The following ROBO2 variants were observed in gnomAD, a reference collection of about 807,000 sequenced individuals.
ROBO2 encodes the protein roundabout homolog 2.
Under a neutral mutation model 160.8 loss-of-function variants are expected in ROBO2, and 53 were observed. That is an observed-to-expected ratio of 0.33 (90% CI 0.26 to 0.41). The LOEUF (loss-of-function observed/expected upper bound fraction) is 0.41, where lower values mean the gene tolerates loss of function less well. Ranked by LOEUF, ROBO2 falls within the 10% of genes least tolerant of loss-of-function variation. ROBO2 has a pLI of 1.00. For synonymous variants in ROBO2, 664 were observed against 611.7 expected (o/e 1.09, Z -1.26); for missense variants, 1,577 against 1,722.4 (o/e 0.92, Z 1.49).
chr3:77,390,345 C>T (rs2074591569), intron 2 of ROBO2, among the ~76,000 whole-genome samples: 1 of 152,176 alleles, frequency 6.6e-6, no homozygotes, highest in Non-Finnish European at 1.5e-5. Flanking sequence ...GTGTCCCCAA[C>T]CAAATCTCAT....
intron 2 of ROBO2, among the ~76,000 whole-genome samples, chr3:76,105,149 A>G (rs568694335): frequency 6.6e-6 from 1 of 152,146 alleles, no homozygotes; most frequent in East Asian, 1.9e-4. Flanking sequence ...TCATGGTACC[A>G]AACAATGAAA....
At chr3:75,981,318 A>G (rs566451387) in intron 2 of ROBO2, among the ~76,000 whole-genome samples, 1 of 151,618 alleles carries the variant, frequency 6.6e-6, no homozygotes, top group East Asian at 1.9e-4. Flanking sequence ...ATTTGTACAA[A>G]GGACTTATCT....
In ROBO2 at chr3:76,608,335, G is replaced by A. The variant is rs549766392; in HGVS notation, c.110-489679G>A. Among the ~76,000 whole-genome samples, 7 of 152,268 alleles carry A rather than the reference G, an allele frequency of 4.6e-5. No homozygotes were observed. The East Asian group carries it at 1.4e-3, about 29-fold the overall frequency. On this transcript the variant is annotated intron_variant, in intron 2 of 26. Transcript: ENST00000487694. The stretch of plus-strand genomic sequence containing the variant: ...GGGGAGAGAAGAAAGGGACTGTGGA[G>A]GAATGAGTCTTGGCAAAGACCTTCA...
At chr3:77,343,084 G>GAGAGAGAGA (rs35897096) in intron 2 of ROBO2, among the ~76,000 whole-genome samples, 1 of 146,194 alleles carries the variant, frequency 6.8e-6, no homozygotes, top group Non-Finnish European at 1.5e-5. Context: ...GAGAGAGAGA[G>GAGAGAGAGA]AGAACTTTCT....
At chr3:76,781,639 G>A (rs1336815294) in intron 2 of ROBO2, among the ~76,000 whole-genome samples, 1 of 150,494 alleles carries the variant, frequency 6.6e-6, no homozygotes, top group Non-Finnish European at 1.5e-5. Flanking sequence ...GTCTCCATTG[G>A]GATGATCATA....
At chr3:76,432,798 CAG>C (rs2076495801) in intron 2 of ROBO2, among the ~76,000 whole-genome samples, 1 of 151,118 alleles carries the variant, frequency 6.6e-6, no homozygotes, top group Non-Finnish European at 1.5e-5. Flanking sequence ...ACCGAAAAAA[CAG>C]GGCATTGGGG....
intron 2 of ROBO2, among the ~76,000 whole-genome samples, chr3:77,305,012 A>C (rs1050256843): frequency 6.6e-6 from 1 of 152,212 alleles, no homozygotes; most frequent in Non-Finnish European, 1.5e-5. Flanking sequence ...TATTTAAAAC[A>C]ACCTGCTTTC....
chr3:76,147,646 A>C (rs1382239668), intron 2 of ROBO2, among the ~76,000 whole-genome samples: 1 of 152,060 alleles, frequency 6.6e-6, no homozygotes, highest in East Asian at 1.9e-4. Flanking sequence ...ACACTGAGAC[A>C]GCAGGTTTTG....
chr3:76,581,814 G>GA (rs1464212822), intron 2 of ROBO2, among the ~76,000 whole-genome samples: 2 of 152,064 alleles, frequency 1.3e-5, no homozygotes, highest in Non-Finnish European at 2.9e-5. Flanking sequence ...AGAAAAGATT[G>GA]GTTTAAAAAT....
At chr3:76,927,342 C>T (rs1420753121) in intron 2 of ROBO2, among the ~76,000 whole-genome samples, 1 of 152,140 alleles carries the variant, frequency 6.6e-6, no homozygotes, top group Non-Finnish European at 1.5e-5. Context: ...TCATTTTTCA[C>T]AGTGGATTCT....
intron 1 of ROBO2, among the ~76,000 whole-genome samples, chr3:77,082,487 A>C (rs2068770811): frequency 6.6e-6 from 1 of 152,072 alleles, no homozygotes; most frequent in Admixed American, 6.6e-5. Context: ...AGGATAACTA[A>C]AGAAATTAGT....
intron 2 of ROBO2, among the ~76,000 whole-genome samples, chr3:76,880,597 G>A (rs1002111561): frequency 2.0e-5 from 3 of 151,972 alleles, no homozygotes; most frequent in Non-Finnish European, 4.4e-5. Context: ...TTTTTTGGAG[G>A]CCTTTTTAAA....
rs2068108669 is a variant in ROBO2 at position 76,840,379 on chromosome 3, G to T, written c.110-257635G>T. Among the ~76,000 whole-genome samples the T allele has an allele frequency of 3.3e-5, 5 of 151,564 alleles. 1 individual carries two copies. The South Asian group carries it at 8.3e-4, about 25-fold the overall frequency. ...AATCCCAGCACTTTGGGAGGCCGAG[G>T]CAGGCGGATCACGAGGTCAGGAGAT... On this transcript the variant is annotated intron_variant, in intron 2 of 26. Transcript: ENST00000487694.
intron 2 of ROBO2, among the ~76,000 whole-genome samples, chr3:76,170,919 A>G (rs938423660): frequency 6.6e-6 from 1 of 152,182 alleles, no homozygotes; most frequent in African/African-American, 2.4e-5. Flanking sequence ...TAATACAGTG[A>G]TCATTGTTAA....
At chr3:76,148,908 C>A (rs2072030824) in intron 2 of ROBO2, among the ~76,000 whole-genome samples, 1 of 152,060 alleles carries the variant, frequency 6.6e-6, no homozygotes, top group Admixed American at 6.6e-5. Flanking sequence ...TAAATTATCT[C>A]ATTCAGTCAC....
chr3:76,071,212 T>A (rs2068442520), intron 2 of ROBO2, among the ~76,000 whole-genome samples: 1 of 152,202 alleles, frequency 6.6e-6, no homozygotes, highest in Admixed American at 6.5e-5. Flanking sequence ...GGTTGCTTAA[T>A]CATAAATGCT....
At chr3:76,896,962 C>A (rs1421723058) in intron 2 of ROBO2, among the ~76,000 whole-genome samples, 1 of 152,168 alleles carries the variant, frequency 6.6e-6, no homozygotes, top group Non-Finnish European at 1.5e-5. Context: ...CAGTGGAGAG[C>A]TAACTCACAT....
chr3:76,507,664 A>C (rs2080864042), intron 2 of ROBO2, among the ~76,000 whole-genome samples: 1 of 152,086 alleles, frequency 6.6e-6, no homozygotes. Context: ...AATCCTCACA[A>C]CAACCCTACG....
At chr3:77,218,964 T>C (rs2085347990) in intron 2 of ROBO2, among the ~76,000 whole-genome samples, 1 of 152,028 alleles carries the variant, frequency 6.6e-6, no homozygotes, top group Admixed American at 6.6e-5. Context: ...TTTGATCGAT[T>C]TTTGTTTGTT....
Sources: gnomAD v4.1 joint callset for allele counts (sites outside exome capture counted in the v4.1 genomes callset) on GRCh38, gnomAD v4.1.1 for gene constraint, MANE v1.5 for transcripts, NCBI Gene and HGNC (gene_info 2026-07-23, HGNC 2026-07-21) for gene names.